Variants in SIPA1L1 observed in about 807,000 individuals in gnomAD.
SIPA1L1 encodes the protein signal-induced proliferation-associated 1-like protein 1.
SIPA1L1 carries 26 observed loss-of-function variants against 162.7 expected under a neutral mutation model. The observed-to-expected ratio is 0.16, with a 90% CI of 0.12 to 0.22. SIPA1L1 has a LOEUF of 0.22. Ranked by LOEUF, SIPA1L1 falls within the 10% of genes least tolerant of loss-of-function variation. The pLI, the probability that SIPA1L1 is intolerant of heterozygous loss-of-function variation, is 1.00. For synonymous variants in SIPA1L1, 829 were observed against 837.4 expected, an observed-to-expected ratio of 0.99 and a Z score of 0.17; for missense variants, 1,874 against 2,241.0, an observed-to-expected ratio of 0.84 and a Z score of 3.31.
rs1194853136 is a variant in SIPA1L1 at position 71,495,901 on chromosome 14, AAAAAAAAAAAAAG to A, written c.-464-16839_-464-16827del. ...TCCATCTCTACAAAAAAAAAAAAAA[AAAAAAAAAAAAAG>A]AAGAAGAAAGAAAAAAAGAATCAGT... On this transcript the variant is annotated intron_variant, in intron 2 of 23. Transcript: ENST00000381232. 1.4e-5 allele frequency among the ~76,000 whole-genome samples: 2 copies of A among 146,972 alleles called. 1 individual carries two copies. Among genetic ancestry groups the A allele is most frequent in the Non-Finnish European group, 3.0e-5 (2 of 66,750 alleles).
intron 2 of SIPA1L1, among the ~76,000 whole-genome samples, chr14:71,400,275 G>C (rs1265963756): frequency 6.6e-6 from 1 of 152,080 alleles, no homozygotes; most frequent in African/African-American, 2.4e-5. Flanking sequence ...TGGGGGATTA[G>C]GACTATCTGT....
intron 10 of SIPA1L1, among the ~76,000 whole-genome samples, chr14:71,670,327 A>G (rs981215455): frequency 1.2e-4 from 18 of 152,228 alleles, no homozygotes; most frequent in African/African-American, 3.9e-4. Context: ...TTAGGAATAT[A>G]TAGTCAGAAG....
At chr14:71,492,597 C>T (rs367605050) in intron 2 of SIPA1L1, among the ~76,000 whole-genome samples, 4 of 152,184 alleles carry the variant, frequency 2.6e-5, no homozygotes, top group African/African-American at 7.2e-5. Flanking sequence ...GGACCAGGCC[C>T]GTGCGGTAGC....
intron 2 of SIPA1L1, among the ~76,000 whole-genome samples, chr14:71,468,005 G>GGTGTGTGTGTGTGTGTGTGTGT (rs56265408): frequency 1.4e-5 from 2 of 141,604 alleles, no homozygotes; most frequent in South Asian, 2.3e-4. Context: ...CAGTTAGAGG[G>GGTGTGTGTGTGTGTGTGTGTGT]GTGTGTGTGT....
At chr14:71,518,582 GT>G (rs2051977679) in intron 3 of SIPA1L1, among the ~76,000 whole-genome samples, 1 of 152,066 alleles carries the variant, frequency 6.6e-6, no homozygotes, top group African/African-American at 2.4e-5. Flanking sequence ...AGCTTGTGAA[GT>G]TTTTTTCTTT....
intron 4 of SIPA1L1, among the ~76,000 whole-genome samples, chr14:71,555,445 G>C (rs2056268401): frequency 6.6e-6 from 1 of 152,178 alleles, no homozygotes; most frequent in Non-Finnish European, 1.5e-5. Flanking sequence ...TTAGGCTTTG[G>C]TTTAAGAGAA....
chr14:71,428,698 C>CA (rs1291117611), intron 2 of SIPA1L1, among the ~76,000 whole-genome samples: 2 of 152,194 alleles, frequency 1.3e-5, no homozygotes, highest in Non-Finnish European at 2.9e-5. Flanking sequence ...GGTTCAACAA[C>CA]AGTGGCCTCT....
chr14:71,453,232 A>G (rs1249506448), intron 2 of SIPA1L1, among the ~76,000 whole-genome samples: 1 of 152,158 alleles, frequency 6.6e-6, no homozygotes, highest in Admixed American at 6.5e-5. Context: ...TTCTTTATTC[A>G]TAGTAACTTT....
chr14:71,710,822 A>AAAAGAAAG (rs1281881603), intron 17 of SIPA1L1, among the ~76,000 whole-genome samples: 1 of 151,158 alleles, frequency 6.6e-6, no homozygotes, highest in African/African-American at 2.4e-5. Context: ...AAAAAAAAAA[A>AAAAGAAAG]AAAGAAAGAA....
chr14:71,561,723 G>GA (rs1200382047), intron 4 of SIPA1L1, among the ~76,000 whole-genome samples: 3 of 152,184 alleles, frequency 2.0e-5, no homozygotes, highest in Non-Finnish European at 4.4e-5. Context: ...AAGTAGCTGG[G>GA]ATTACAGGCA....
intron 4 of SIPA1L1, among the ~76,000 whole-genome samples, chr14:71,557,204 G>A (rs1231433401): frequency 6.6e-6 from 1 of 152,104 alleles, no homozygotes. Flanking sequence ...AGTCTGCGTT[G>A]TATTTATGGT....
At chr14:71,733,160 G>A (rs10146866) in intron 20 of SIPA1L1, among the ~76,000 whole-genome samples, 2,142 of 152,278 alleles carry the variant, frequency 0.014, 45 homozygotes, top group African/African-American at 0.049. Context: ...GCAATGAGCC[G>A]AGATCATGCC....
At chr14:71,544,798 C>CT (rs1344375699) in intron 4 of SIPA1L1, among the ~76,000 whole-genome samples, 4 of 152,120 alleles carry the variant, frequency 2.6e-5, no homozygotes, top group African/African-American at 9.7e-5. Context: ...CCACTGGTCT[C>CT]TTTGTTCTTA....
At chr14:71,526,337 T>TC (rs2052866812) in intron 3 of SIPA1L1, among the ~76,000 whole-genome samples, 1 of 152,144 alleles carries the variant, frequency 6.6e-6, no homozygotes, top group Non-Finnish European at 1.5e-5. Flanking sequence ...CCCTTTTCCT[T>TC]CTCCCAGTCT....
At chr14:71,565,035 G>A (rs558470023) in intron 4 of SIPA1L1, among the ~76,000 whole-genome samples, 1 of 152,316 alleles carries the variant, frequency 6.6e-6, no homozygotes, top group South Asian at 2.1e-4. Flanking sequence ...TTAAGTTGGT[G>A]AGAATGTGGA....
chr14:71,506,418 G>A (rs1436227237), intron 2 of SIPA1L1, among the ~76,000 whole-genome samples: 1 of 152,088 alleles, frequency 6.6e-6, no homozygotes, highest in Non-Finnish European at 1.5e-5. Flanking sequence ...TCGGCTCACT[G>A]TGACCTCTGC....
intron 2 of SIPA1L1, among the ~76,000 whole-genome samples, chr14:71,406,494 T>A (rs948470553): frequency 6.6e-6 from 1 of 152,208 alleles, no homozygotes. Flanking sequence ...TCTCGTGTCT[T>A]CATGGTTATC....
chr14:71,568,423 C>T (rs1013147316), intron 4 of SIPA1L1, among the ~76,000 whole-genome samples: 1 of 152,148 alleles, frequency 6.6e-6, no homozygotes, highest in African/African-American at 2.4e-5. Flanking sequence ...TGGTGAGGGC[C>T]ATTCACAAGC....
intron 5 of SIPA1L1, among the ~76,000 whole-genome samples, chr14:71,592,255 A>G (rs549686556): frequency 6.6e-6 from 1 of 152,378 alleles, no homozygotes; most frequent in South Asian, 2.1e-4. Flanking sequence ...AATTTGTTAC[A>G]GTATGATAAT....
Sources: allele counts gnomAD v4.1 joint callset (sites outside exome capture counted in the v4.1 genomes callset), GRCh38; gene constraint gnomAD v4.1.1; transcripts MANE v1.5; gene names NCBI Gene and HGNC (gene_info 2026-07-23, HGNC 2026-07-21).